The following MADD variants were observed in gnomAD, a reference collection of about 807,000 sequenced individuals.
MADD encodes MAP kinase-activating death domain protein.
In MADD, 109 loss-of-function variants were observed where a neutral mutation model predicts 176.7. That is an observed-to-expected ratio of 0.62 (90% CI 0.53 to 0.72). The LOEUF (loss-of-function observed/expected upper bound fraction) is 0.72, where lower values mean the gene tolerates loss of function less well. Ranked by LOEUF, MADD falls within the 30% of genes least tolerant of loss-of-function variation. The pLI is 0.00. For synonymous variants in MADD, 771 were observed against 771.3 expected (o/e 1.00, Z 0.01); for missense variants, 1,914 against 2,045.5 (o/e 0.94, Z 1.24).
intron 22 of MADD, among the ~76,000 whole-genome samples, chr11:47,303,479 C>A (rs1040771161): frequency 6.6e-6 from 1 of 152,090 alleles, no homozygotes; most frequent in Non-Finnish European, 1.5e-5. Flanking sequence ...ACCTCGTGAT[C>A]TGCCTGCCTC....
In MADD at chr11:47,329,084, G is replaced by A. The variant is rs184207033; in HGVS notation, c.4698G>A (p.Ser1566=). 4.6e-5 allele frequency: 74 copies of A among 1,614,110 alleles called. No homozygotes were observed. In the Admixed American group the frequency reaches 9.3e-4, roughly 20 times the overall value. The change falls in exon 33 of 33, where the codon TCG becomes TCA. Residue 1566 remains serine (S), a synonymous_variant. Coordinates refer to ENST00000402192, the Ensembl canonical transcript of MADD. The stretch of plus-strand genomic sequence containing the variant: ...GCTACTCCGTATTATGTCTCTTCTC[G>A]TACGTGGCTGCAGTTCATAGCAGTG...
intron 20 of MADD, 68 bp from the exon 23 acceptor site, chr11:47,295,428 A>G (rs1385053329): frequency 4.0e-5 from 51 of 1,271,256 alleles, no homozygotes; most frequent in Non-Finnish European, 4.3e-5. Flanking sequence ...AGAAAAAGGT[A>G]CAGTATTTCT....
intron 22 of MADD, among the ~76,000 whole-genome samples, chr11:47,299,221 T>C (rs12576461): frequency 0.077 from 11,657 of 152,252 alleles, 519 homozygotes; most frequent in South Asian, 0.11. Context: ...GTTGGTATTT[T>C]GGTAGGGATT....
chr11:47,278,170 G>C (rs747046605), exon 6 of MADD: 1 of 1,612,338 alleles, frequency 6.2e-7, no homozygotes, highest in Admixed American at 1.7e-5. Context: ...CACAGCTGCT[G>C]TTGGCTCCAA....
chr11:47,326,825 C>T lies in MADD; in HGVS notation c.4612+18C>T, dbSNP rs941230918. The T allele has an allele frequency of 1.9e-6, 3 of 1,613,824 alleles. No individual in the cohort carries two copies. The highest frequency in any genetic ancestry group is 1.3e-5 in the African/African-American group (1 of 74,900). ...GGAATTTGGTAATTACACTATTTTG[C>T]TCTTAGGTCTGGACTCACATGGCAG... On this transcript the variant is annotated intron_variant, in intron 31 of 32. Coordinates refer to ENST00000402192, the Ensembl canonical transcript of MADD.
chr11:47,321,109 C>T (rs1316038753), intron 27 of MADD, among the ~76,000 whole-genome samples: 1 of 152,158 alleles, frequency 6.6e-6, no homozygotes, highest in Non-Finnish European at 1.5e-5. Context: ...TTTACACCTC[C>T]AACAGCCACT....
At chr11:47,298,474 A>G (rs1217578158) in intron 22 of MADD, among the ~76,000 whole-genome samples, 1 of 152,158 alleles carries the variant, frequency 6.6e-6, no homozygotes, top group Non-Finnish European at 1.5e-5. Context: ...AGCCATTTGT[A>G]TGTCTTCTTT....
At position 47,308,973 on chromosome 11, in the gene MADD, T is replaced by C; in HGVS notation, c.3751+274T>C. 1 of 1,613,026 alleles carries C rather than the reference T, an allele frequency of 6.2e-7. No homozygotes were observed. The highest frequency in any genetic ancestry group is 2.2e-5 in the East Asian group (1 of 44,878). ...TACCATGGTCCTTCCTGCTCTCAAA[T>C]TGGCAGGAAGGGACAAAGGATCCAT... On this transcript the variant is annotated intron_variant, in intron 23 of 32. Coordinates refer to ENST00000402192, the Ensembl canonical transcript of MADD.
At chr11:47,311,793 T>C in exon 26 of MADD, 1 of 1,614,122 alleles carries the variant, frequency 6.2e-7, no homozygotes, top group Non-Finnish European at 8.5e-7. Flanking sequence ...CACATTGGGC[T>C]TGTGTACAGC....
intron 30 of MADD, among the ~76,000 whole-genome samples, chr11:47,326,095 G>A (rs1482452418): frequency 6.6e-6 from 1 of 151,788 alleles, no homozygotes; most frequent in Non-Finnish European, 1.5e-5. Flanking sequence ...CACGTTCATG[G>A]GCAAAGAAAC....
In MADD at chr11:47,295,780, T is replaced by C. The variant is rs184497865; in HGVS notation, c.3484-117T>C. 144 of 1,524,214 alleles carry C rather than the reference T, an allele frequency of 9.4e-5. 1 individual carries two copies. In the Middle Eastern group the frequency reaches 2.0e-3, roughly 21 times the overall value. 94.4% of individuals were successfully genotyped at this position (1,524,214 alleles called of 1,614,324 possible). A position where few individuals can be genotyped will look rare whatever the true frequency, so the allele number is the denominator to read the frequency against. On this transcript the variant is annotated intron_variant, in intron 21 of 32. Transcript: ENST00000402192. ...TTATAAAGAAGGTACTTCCAGAGGC[T>C]ATCTGACACACTTTTGAAATTTAAT...
intron 19 of MADD, 125 bp downstream of exon 20, chr11:47,290,941 C>T (rs1444905949): frequency 1.3e-6 from 1 of 743,768 alleles, no homozygotes; most frequent in Non-Finnish European, 2.1e-6. Context: ...GGGAAGGGGG[C>T]CTGTGTCCAT....
chr11:47,312,639 T>C (rs893245154), intron 26 of MADD, among the ~76,000 whole-genome samples: 13 of 152,208 alleles, frequency 8.5e-5, no homozygotes, highest in Admixed American at 6.5e-5. Context: ...ATTCCCCATG[T>C]TGGCCAGGCT....
chr11:47,322,468 C>T (rs1267826497), intron 27 of MADD, among the ~76,000 whole-genome samples: 1 of 151,998 alleles, frequency 6.6e-6, no homozygotes, highest in Non-Finnish European at 1.5e-5. Flanking sequence ...AAAAATTAGC[C>T]GGGCATGGTG....
chr11:47,325,307 C>A lies in MADD; in HGVS notation c.4542+730C>A, dbSNP rs574082481. 1 of 154,596 alleles carries A rather than the reference C, an allele frequency of 6.5e-6. No individual in the cohort carries two copies. The highest frequency in any genetic ancestry group is 2.4e-5 in the African/African-American group (1 of 41,488). The allele number at this position is 154,596 out of a possible 1,614,324, so 9.6% of individuals were successfully genotyped here. A position where few individuals can be genotyped will look rare whatever the true frequency, so the allele number is the denominator to read the frequency against. On this transcript the variant is annotated intron_variant, in intron 30 of 32. Coordinates refer to ENST00000402192, the Ensembl canonical transcript of MADD. The surrounding 1 kb of genome is among the most constrained non-coding windows in gnomAD (Gnocchi z 4.5). The stretch of plus-strand genomic sequence containing the variant: ...GGACATTCCTTAAGCTAATTCCTTT[C>A]TGAGGCCAGCGCATCATCCCAGGTC...
rs1005394111 is a variant in MADD at position 47,273,675 on chromosome 11, C to T, written c.-88-152C>T. On this transcript the variant is annotated intron_variant, in intron 1 of 32. Coordinates refer to ENST00000402192, the Ensembl canonical transcript of MADD. ...CATTCGATTCTGTGAGCTCATGAGC[C>T]TAGACACGAGGCTAGGCAAGCGTCA... Among the ~76,000 whole-genome samples the T allele has an allele frequency of 4.6e-5, 7 of 152,122 alleles. No individual in the cohort carries two copies. The South Asian group carries it at 1.5e-3, about 32-fold the overall frequency.
chr11:47,292,060 C>G lies in MADD; in HGVS notation c.3301+1244C>G, dbSNP rs573565458. On this transcript the variant is annotated intron_variant, in intron 19 of 32. Coordinates refer to ENST00000402192, the Ensembl canonical transcript of MADD. ...CCTTTGTTCAGTCCAGTGAATCAAG[C>G]AAAGATTGGTGTTCTTCCTTCTGAA... is the stretch of plus-strand genomic sequence containing the variant. 2.1e-4 allele frequency among the ~76,000 whole-genome samples: 32 copies of G among 152,292 alleles called. No individual in the cohort carries two copies. The East Asian group carries it at 4.8e-3, about 23-fold the overall frequency.
chr11:47,279,570 G>A (rs567781622), intron 7 of MADD, among the ~76,000 whole-genome samples: 2 of 151,656 alleles, frequency 1.3e-5, no homozygotes, highest in South Asian at 4.2e-4. Flanking sequence ...TGGTAGAGAC[G>A]GGGTTTTGCC....
chr11:47,295,424 A>G, intron 20 of MADD, 72 bp from the exon 23 acceptor site: 1 of 1,235,948 alleles, frequency 8.1e-7, no homozygotes, highest in Non-Finnish European at 1.2e-6. Flanking sequence ...AGAAAGAAAA[A>G]GGTACAGTAT....
Sources: allele counts gnomAD v4.1 joint callset (sites outside exome capture counted in the v4.1 genomes callset), GRCh38; gene constraint gnomAD v4.1.1; non-coding constraint Gnocchi (gnomAD v3.1); transcripts MANE v1.5; gene names NCBI Gene and HGNC (gene_info 2026-07-23, HGNC 2026-07-21).